The following ABCB8 variants were observed in gnomAD, a reference collection of about 807,000 sequenced individuals.
ABCB8 encodes mitochondrial potassium channel ATP-binding subunit.
A neutral mutation model predicts 73.0 loss-of-function variants in ABCB8; 52 were observed. The ratio of observed to expected loss-of-function variants is 0.71; its 90% CI spans 0.57 to 0.90. ABCB8 has a LOEUF of 0.90. Ranked by LOEUF, ABCB8 falls within the 40% of genes least tolerant of loss-of-function variation. The pLI is 0.00. For missense variants in ABCB8, 909 were observed against 974.6 expected (o/e 0.93, Z 0.90); for synonymous variants, 428 against 423.5 (o/e 1.01, Z -0.13).
intron 1 of ABCB8, chr7:151,031,323 G>T: frequency 1.3e-6 from 2 of 1,533,350 alleles, no homozygotes; most frequent in South Asian, 1.2e-5. Flanking sequence ...ATAGAAACAA[G>T]AACACAGTGG....
chr7:151,028,788 C>T (rs1452058159), intron 1 of ABCB8, 178 bp downstream of exon 1: 3 of 1,541,930 alleles, frequency 1.9e-6, no homozygotes, highest in Non-Finnish European at 2.6e-6. Context: ...AGTGACACTC[C>T]AGTCGCCAGC....
rs562196586 is a variant in ABCB8, at chr7:151,031,467, AG to A, written c.96-2136del. 526 of 780,446 alleles carry A rather than the reference AG, an allele frequency of 6.7e-4. 4 individuals are homozygous for A. In the African/African-American group the frequency reaches 8.2e-3, roughly 12 times the overall value. 48.3% of individuals were successfully genotyped at this position (780,446 alleles called of 1,614,324 possible). On this transcript the variant is annotated intron_variant, in intron 1 of 15. Transcript: ENST00000358849. The stretch of plus-strand genomic sequence containing the variant: ...AATTAGAAGGGTCTAGGGATGTGAA[AG>A]GCCATGATGGTAAAGAGAAAAGCTC...
rs749548336 is a variant in ABCB8 at position 151,044,087 on chromosome 7, G to A, written c.1882G>A (p.Glu628Lys). The A allele has an allele frequency of 6.2e-7, 1 of 1,613,854 alleles. No individual in the cohort carries two copies. The highest frequency in any genetic ancestry group is 8.5e-7 in the Non-Finnish European group (1 of 1,179,984). Residue 628 changes from glutamate (E) to lysine (K), a missense_variant, in exon 15 of 16, where the codon GAG becomes AAG. Glu to Lys is a moderately conservative substitution (Grantham distance 56, BLOSUM62 1). Coordinates refer to ENST00000358849, the MANE Select transcript of ABCB8 (RefSeq NM_007188.5). Reference protein sequence around the residue: ...LDEATSALDAESERVVQEALD... With the variant: ...LDEATSALDAKSERVVQEALD... Reference sequence around the variant, plus strand: ...TGAAGCTACCAGCGCGCTGGATGCAGAGTCCGAGCGGGTTGTACAGGAGGC... The same window carrying A: ...TGAAGCTACCAGCGCGCTGGATGCAAAGTCCGAGCGGGTTGTACAGGAGGC...
intron 9 of ABCB8, chr7:151,037,498 C>A: frequency 1.7e-6 from 1 of 604,296 alleles, no homozygotes; most frequent in Non-Finnish European, 3.0e-6. Flanking sequence ...CGGGCCTCCC[C>A]CCTCCTATCT....
intron 1 of ABCB8, chr7:151,031,244 C>T: frequency 6.5e-7 from 1 of 1,534,392 alleles, no homozygotes; most frequent in Non-Finnish European, 8.8e-7. Flanking sequence ...CTTTCAGAAA[C>T]ACATGGCGTA....
rs777661867 is a variant in ABCB8 at position 151,033,732 on chromosome 7, G to T, written c.223G>T (p.Gly75Trp). ...GAGCCCCTCTGCCTGGTGCTGGGTT[G>T]GGGGAGCCCTGCTAGGCCCCATGGT... is the stretch of plus-strand genomic sequence containing the variant. Reference protein sequence around the residue: ...RWSPSAWCWVGGALLGPMVLS... With the variant: ...RWSPSAWCWVWGALLGPMVLS... Residue 75 changes from glycine to tryptophan, a missense_variant, in exon 2 of 16, where the codon GGG (glycine) becomes TGG (tryptophan). Gly to Trp is a radical substitution (Grantham distance 184). Coordinates refer to ENST00000358849, the MANE Select transcript of ABCB8 (RefSeq NM_007188.5). 1 of 1,613,904 alleles carries T rather than the reference G, an allele frequency of 6.2e-7. No individual in the cohort carries two copies. Among genetic ancestry groups the T allele is most frequent in the Non-Finnish European group, 8.5e-7 (1 of 1,179,946 alleles).
Position 151,043,996 on chromosome 7 carries a change from G to C in ABCB8, c.1791G>C (p.Gly597=), listed in dbSNP as rs2117243368. ...GTGAACGGGGCACTACCCTGTCTGG[G>C]GGCCAGAAGCAGCGCCTGGCCATCG... The part of the protein sequence containing the change: ...VVGERGTTLS[G]GQKQRLAIAR... The change falls in exon 15 of 16, where the codon GGG becomes GGC. Residue 597 remains glycine (G), a synonymous_variant. Transcript: ENST00000358849. 6.2e-7 allele frequency: 1 copy of C among 1,612,638 alleles called. No homozygotes were observed. The highest frequency in any genetic ancestry group is 8.5e-7 in the Non-Finnish European group (1 of 1,179,690).
chr7:151,031,181 C>A, intron 1 of ABCB8: 1 of 1,079,350 alleles, frequency 9.3e-7, no homozygotes, highest in Non-Finnish European at 1.4e-6. Context: ...ATTTGCGGAA[C>A]ATCTATTATG....
rs1140977 is a variant in ABCB8 at position 151,035,596 on chromosome 7, A to C, written c.781A>C (p.Thr261Pro). ...CACTCCCTAGGGGCTGCGAAGCTGC[A>C]CCCAGGTGGCAGGCTGCCTGGTGTC... ...LVISQGLRSC[T>P]QVAGCLVSLS... Residue 261 changes from threonine (T) to proline (P), a missense_variant, in exon 6 of 16, where the codon ACC (threonine) becomes CCC (proline). Coordinates refer to ENST00000358849, the MANE Select transcript of ABCB8 (RefSeq NM_007188.5). The C allele has an allele frequency of 6.2e-7, 1 of 1,601,302 alleles. No individual in the cohort carries two copies.
chr7:151,035,773 C>G (rs1167944208), intron 6 of ABCB8, 31 bp downstream of exon 6: 9 of 1,610,820 alleles, frequency 5.6e-6, no homozygotes, highest in Non-Finnish European at 5.9e-6. Flanking sequence ...CCTCTTCACC[C>G]TCCCCACACC....
chr7:151,044,838 G>T (rs560881625), intron 15 of ABCB8, among the ~76,000 whole-genome samples: 2 of 152,364 alleles, frequency 1.3e-5, no homozygotes, highest in Admixed American at 1.3e-4. Flanking sequence ...GCAGCGCCAA[G>T]GAACCTGTGC....
Position 151,043,992 on chromosome 7 carries a change from C to T in ABCB8, c.1787C>T (p.Ser596Phe), listed in dbSNP as rs1481209808. Residue 596 changes from serine (S) to phenylalanine (F), a missense_variant, in exon 15 of 16, where the codon TCT becomes TTT. Coordinates refer to ENST00000358849, the MANE Select transcript of ABCB8 (RefSeq NM_007188.5). ...CCAGGTGAACGGGGCACTACCCTGT[C>T]TGGGGGCCAGAAGCAGCGCCTGGCC... ...TVVGERGTTL[S>F]GGQKQRLAIA... 6.2e-7 allele frequency: 1 copy of T among 1,612,630 alleles called. No homozygotes were observed.
In ABCB8 at chr7:151,040,197, C is replaced by T. The variant is rs546525466; in HGVS notation, c.1218-71C>T. The stretch of plus-strand genomic sequence containing the variant: ...CTGCTTCCTTGCTCCCCCGCCCCAC[C>T]GTGGCTTCCTTCCCCTCCTCTGGCT... On this transcript the variant is annotated intron_variant, in intron 9 of 15. Transcript: ENST00000358849. 41 of 1,567,952 alleles carry T rather than the reference C, an allele frequency of 2.6e-5. No homozygotes were observed. The East Asian group carries it at 6.7e-4, about 26-fold the overall frequency.
intron 9 of ABCB8, chr7:151,037,527 A>G (rs907886450): frequency 3.4e-6 from 2 of 591,846 alleles, no homozygotes; most frequent in African/African-American, 1.9e-5. Flanking sequence ...GCTAAACACA[A>G]GCAGTTCTAC....
chr7:151,041,771 C>A (rs978912351), intron 13 of ABCB8, among the ~76,000 whole-genome samples, 190 bp from the exon 14 acceptor site: 4 of 152,228 alleles, frequency 2.6e-5, no homozygotes, highest in Admixed American at 1.3e-4. Context: ...GGTAGGAAGT[C>A]GAACTGTCCT....
intron 1 of ABCB8, among the ~76,000 whole-genome samples, chr7:151,030,385 C>T (rs1238299245): frequency 2.0e-5 from 3 of 151,874 alleles, no homozygotes; most frequent in Admixed American, 1.3e-4. Context: ...CGTGGTTGCA[C>T]GCACCTGTAG....
At chr7:151,034,924 C>A in intron 5 of ABCB8, 95 bp downstream of exon 5, 2 of 1,117,296 alleles carry the variant, frequency 1.8e-6, no homozygotes, top group Non-Finnish European at 2.6e-6. Flanking sequence ...TGATGTTGGG[C>A]TGACAGGCGC....
At chr7:151,035,450 T>C in intron 5 of ABCB8, 131 bp from the exon 6 acceptor site, 1 of 1,090,184 alleles carries the variant, frequency 9.2e-7, no homozygotes, top group Admixed American at 2.3e-5. Context: ...GGACTGCCAC[T>C]GGGCCTCCCA....
intron 15 of ABCB8, among the ~76,000 whole-genome samples, chr7:151,044,557 G>A (rs1796564574): frequency 6.6e-6 from 1 of 152,106 alleles, no homozygotes; most frequent in Admixed American, 6.6e-5. Flanking sequence ...GGGCAGCATA[G>A]CGGGACCCTG....
Sources: gnomAD v4.1 joint callset for allele counts (sites outside exome capture counted in the v4.1 genomes callset) on GRCh38, gnomAD v4.1.1 for gene constraint, MANE v1.5 for transcripts, NCBI Gene and HGNC (gene_info 2026-07-23, HGNC 2026-07-21) for gene names.